Variants in CNKSR2 observed in about 807,000 individuals in gnomAD.
The protein encoded by CNKSR2 is connector enhancer of kinase suppressor of Ras 2.
Under a neutral mutation model 84.4 loss-of-function variants are expected in CNKSR2, and 14 were observed. That is an observed-to-expected ratio of 0.17 (90% confidence interval 0.11 to 0.26). The LOEUF is 0.26. CNKSR2 is among the 10% of genes least tolerant of loss of function. The pLI is 1.00. For missense variants in CNKSR2, 485 were observed against 771.2 expected, an observed-to-expected ratio of 0.63 and a Z score of 4.40; for synonymous variants, 275 against 277.9, an observed-to-expected ratio of 0.99 and a Z score of 0.10.
At position 21,465,294 on chromosome X, in the gene CNKSR2, G is replaced by C. The variant is rs1265434144; in HGVS notation, c.520-5472G>C. 2.7e-5 allele frequency among the ~76,000 whole-genome samples: 3 copies of C among 111,336 alleles called. No homozygotes were observed. In the East Asian group the frequency reaches 8.4e-4, roughly 31 times the overall value. Reference sequence around the variant, plus strand: ...GTAATTTATCCCTCATTACATAATAGTATCTGGAACTGAATTGCATTTAGA... The same window carrying C: ...GTAATTTATCCCTCATTACATAATACTATCTGGAACTGAATTGCATTTAGA... On this transcript the variant is annotated intron_variant, in intron 4 of 21. Transcript: ENST00000379510.
At chrX:21,631,770 C>T (rs1389233144) in intron 20 of CNKSR2, among the ~76,000 whole-genome samples, 1 of 112,182 alleles carries the variant, frequency 8.9e-6, no homozygotes, top group East Asian at 2.8e-4. Context: ...TCATAATTCT[C>T]ACATTTCCTG....
chrX:21,464,928 G>A (rs1166029335), intron 4 of CNKSR2, among the ~76,000 whole-genome samples: 1 of 111,884 alleles, frequency 8.9e-6, no homozygotes, highest in African/African-American at 3.2e-5. Context: ...TCCATAATAT[G>A]CCCCATATTA....
chrX:21,637,864 A>T (rs2147331988), intron 20 of CNKSR2, among the ~76,000 whole-genome samples: 1 of 111,905 alleles, frequency 8.9e-6, no homozygotes, highest in African/African-American at 3.2e-5. Context: ...AACACAAAAC[A>T]ATTCTACTCT....
chrX:21,533,062 A>G (rs2091898953), intron 11 of CNKSR2, among the ~76,000 whole-genome samples: 1 of 110,751 alleles, frequency 9.0e-6, no homozygotes, highest in South Asian at 3.8e-4. Flanking sequence ...TGAAAGAAAA[A>G]TTTTCCCCAA....
At chrX:21,524,602 C>A (rs2147110532) in intron 9 of CNKSR2, among the ~76,000 whole-genome samples, 1 of 110,745 alleles carries the variant, frequency 9.0e-6, no homozygotes, top group Admixed American at 9.6e-5. Flanking sequence ...TGGTCATTAC[C>A]TCACACTTCA....
intron 11 of CNKSR2, among the ~76,000 whole-genome samples, chrX:21,553,351 G>GT (rs1487920200): frequency 2.7e-5 from 3 of 110,369 alleles, no homozygotes; most frequent in Non-Finnish European, 3.8e-5. Flanking sequence ...AACTTCTTTA[G>GT]TTTTTTTTCA....
intron 13 of CNKSR2, among the ~76,000 whole-genome samples, chrX:21,572,188 C>G (rs1309069151): frequency 8.9e-6 from 1 of 112,216 alleles, no homozygotes; most frequent in Admixed American, 9.5e-5. Context: ...GGCTGCTTCC[C>G]TACAGCAGTG....
chrX:21,390,722 G>A (rs756005112), intron 1 of CNKSR2, among the ~76,000 whole-genome samples: 1 of 111,559 alleles, frequency 9.0e-6, no homozygotes, highest in East Asian at 2.8e-4. Flanking sequence ...TTCTCACATT[G>A]CAAAATACAA....
At chrX:21,493,182 T>C (rs1040109368) in intron 6 of CNKSR2, 1 of 112,420 alleles carries the variant, frequency 8.9e-6, no homozygotes, top group Non-Finnish European at 1.9e-5. Context: ...GAAACAACCT[T>C]AGTTATGATT....
At chrX:21,445,215 A>G (rs2090836797) in intron 4 of CNKSR2, among the ~76,000 whole-genome samples, 1 of 111,709 alleles carries the variant, frequency 9.0e-6, no homozygotes, top group South Asian at 3.7e-4. Context: ...AAAAAACAGG[A>G]CAAGCTTTAT....
intron 11 of CNKSR2, among the ~76,000 whole-genome samples, chrX:21,532,511 T>C (rs180998523): frequency 6.3e-5 from 7 of 110,768 alleles, no homozygotes; most frequent in African/African-American, 2.0e-4. Context: ...ACCTCAGTTT[T>C]TGTATTTTTT....
chrX:21,417,832 T>A (rs779054988), intron 1 of CNKSR2, among the ~76,000 whole-genome samples: 1 of 111,579 alleles, frequency 9.0e-6, no homozygotes, highest in African/African-American at 3.2e-5. Context: ...CACTGTGTTT[T>A]GTTTTGTTTT....
chrX:21,403,107 A>T (rs1207357701), intron 1 of CNKSR2, among the ~76,000 whole-genome samples: 2 of 110,806 alleles, frequency 1.8e-5, no homozygotes, highest in African/African-American at 6.6e-5. Flanking sequence ...GTACTAAAAA[A>T]CCCAAGATTT....
chrX:21,570,353 A>G (rs944513449), intron 13 of CNKSR2, among the ~76,000 whole-genome samples: 1 of 112,450 alleles, frequency 8.9e-6, no homozygotes, highest in East Asian at 2.8e-4. Flanking sequence ...CTTAAACCTC[A>G]TAAACCAGCC....
intron 4 of CNKSR2, among the ~76,000 whole-genome samples, chrX:21,451,119 GAA>G (rs779481752): frequency 1.8e-4 from 20 of 111,696 alleles, no homozygotes; most frequent in African/African-American, 6.2e-4. Flanking sequence ...TACAGAAAGT[GAA>G]AATAGAGAAT....
chrX:21,534,123 A>G (rs145120002), intron 11 of CNKSR2, among the ~76,000 whole-genome samples: 7,871 of 109,618 alleles, frequency 0.072, 687 homozygotes, highest in African/African-American at 0.24. Flanking sequence ...TCCAGTAACC[A>G]CAGTTCTACT....
chrX:21,549,119 A>G (rs772582519), intron 11 of CNKSR2, among the ~76,000 whole-genome samples: 1 of 112,597 alleles, frequency 8.9e-6, no homozygotes, highest in Admixed American at 9.3e-5. Flanking sequence ...ATAGGAAGAG[A>G]AGAAGTCAAT....
chrX:21,532,022 G>A lies in CNKSR2; in HGVS notation c.1258G>A (p.Gly420Arg), dbSNP rs1441355914. 1 of 1,204,584 alleles carries A rather than the reference G, an allele frequency of 8.3e-7. No homozygotes were observed. Among genetic ancestry groups the A allele is most frequent in the Non-Finnish European group, 1.1e-6 (1 of 890,219 alleles). ...CTTATATTGCTATGAATATGAAAAA[G>A]GAAGATCAAGTAGTCAAGGAAGACG... is the stretch of plus-strand genomic sequence containing the variant. ...TVLYCYEYEK[G>R]RSSSQGRRES... Residue 420 changes from glycine to arginine, a missense_variant, in exon 11 of 22, where the codon GGA (glycine) becomes AGA (arginine). This residue lies in a region of CNKSR2 where 132 missense variants were observed against 166.7 expected (regional missense o/e 0.79). Coordinates refer to ENST00000379510, the MANE Select transcript of CNKSR2 (RefSeq NM_014927.5).
chrX:21,469,479 A>G (rs144363808), intron 4 of CNKSR2, among the ~76,000 whole-genome samples: 348 of 112,092 alleles, frequency 3.1e-3, no homozygotes, highest in Middle Eastern at 0.023. Flanking sequence ...TTTTGTTAAA[A>G]TTAAATTCAG....
Sources: gnomAD v4.1 joint callset for allele counts (sites outside exome capture counted in the v4.1 genomes callset) on GRCh38, gnomAD v4.1.1 for gene constraint, gnomAD v4.1.1 regional missense constraint, MANE v1.5 for transcripts, NCBI Gene and HGNC (gene_info 2026-07-23, HGNC 2026-07-21) for gene names.